Variants in SNX29 observed in about 807,000 individuals in gnomAD.
SNX29 encodes sorting nexin-29.
Under a neutral mutation model 102.1 loss-of-function variants are expected in SNX29, and 78 were observed. The ratio of observed to expected loss-of-function variants is 0.76; its 90% CI spans 0.64 to 0.92. The LOEUF (loss-of-function observed/expected upper bound fraction) is 0.92, where lower values mean the gene tolerates loss of function less well. Among genes scored for constraint, SNX29 ranks in the 40% least tolerant of loss-of-function variants. The pLI is 0.00. For missense variants in SNX29, 1,280 were observed against 1,061.7 expected (o/e 1.21, Z -2.86); for synonymous variants, 580 against 414.5 (o/e 1.40, Z -4.85).
chr16:12,357,405 G>A (rs2082166386), intron 16 of SNX29, among the ~76,000 whole-genome samples: 1 of 152,176 alleles, frequency 6.6e-6, no homozygotes, highest in African/African-American at 2.4e-5. Context: ...ATCACAGTCA[G>A]TGTTCAAATT....
rs780562893 is a variant in SNX29 at position 12,524,824 on chromosome 16, G to A, written c.2301G>A (p.Gln767=). The change falls in exon 20 of 21, where the codon CAG becomes CAA. Residue 767 remains glutamine, a synonymous_variant. Coordinates refer to ENST00000566228, the MANE Select transcript of SNX29 (RefSeq NM_032167.5). ...GCCCCAAGAAGGAGACCCTCATCCA[G>A]CTGATGCCCTTCTTCGTGTAAGTAC... The part of the protein sequence containing the change: ...AASPKKETLI[Q]LMPFFVDITP... The A allele has an allele frequency of 6.8e-6, 11 of 1,613,448 alleles. No individual in the cohort carries two copies. Among genetic ancestry groups the A allele is most frequent in the African/African-American group, 1.3e-5 (1 of 74,874 alleles).
intron 8 of SNX29, among the ~76,000 whole-genome samples, chr16:12,059,432 C>T (rs539502487): frequency 5.6e-4 from 85 of 152,332 alleles, no homozygotes; most frequent in African/African-American, 1.9e-3. Context: ...AGGACAGTCG[C>T]GGGAGCGGCT....
At chr16:12,106,872 G>T (rs760060874) in intron 11 of SNX29, among the ~76,000 whole-genome samples, 19 of 151,994 alleles carry the variant, frequency 1.3e-4, no homozygotes, top group Non-Finnish European at 2.5e-4. Context: ...CTGCAGTGCA[G>T]TGGCACGATT....
At chr16:12,009,411 A>G (rs1285182987) in intron 3 of SNX29, among the ~76,000 whole-genome samples, 1 of 151,692 alleles carries the variant, frequency 6.6e-6, no homozygotes, top group Non-Finnish European at 1.5e-5. Flanking sequence ...TGAGAGATAT[A>G]TATATGTATA....
chr16:12,077,330 C>CT (rs2051626276), intron 10 of SNX29, among the ~76,000 whole-genome samples: 1 of 151,316 alleles, frequency 6.6e-6, no homozygotes, highest in African/African-American at 2.4e-5. Flanking sequence ...GAAAATCAGT[C>CT]TTAACCCTCA....
rs71139575 is a variant in SNX29 at position 12,109,127 on chromosome 16, C to CAAAAA, written c.1403-17482_1403-17478dup. ...TGGGCAATAGAGTGAGGCGCTGTCT[C>CAAAAA]AAAAAAAAAAAAAAAAAAAAAAAAA... On this transcript the variant is annotated intron_variant, in intron 11 of 20. Coordinates refer to ENST00000566228, the MANE Select transcript of SNX29 (RefSeq NM_032167.5). 2.1e-3 allele frequency among the ~76,000 whole-genome samples: 70 copies of CAAAAA among 33,240 alleles called. 4 individuals are homozygous for CAAAAA. Among genetic ancestry groups the CAAAAA allele is most frequent in the African/African-American group, 7.4e-3 (53 of 7,200 alleles). The allele number at this position is 33,240 out of a possible 152,430, so 21.8% of individuals were successfully genotyped here.
intron 16 of SNX29, among the ~76,000 whole-genome samples, chr16:12,390,606 C>T (rs2083496262): frequency 6.6e-6 from 1 of 152,204 alleles, no homozygotes; most frequent in Non-Finnish European, 1.5e-5. Context: ...ATGGAGCAGT[C>T]AGCCCCTCAT....
chr16:12,041,367 C>T (rs999298848), intron 4 of SNX29, among the ~76,000 whole-genome samples: 14 of 152,218 alleles, frequency 9.2e-5, no homozygotes, highest in African/African-American at 3.4e-4. Flanking sequence ...TCGCATCGGC[C>T]TCCCGGAGTG....
chr16:12,337,912 G>A (rs963701355), intron 15 of SNX29, among the ~76,000 whole-genome samples: 4 of 152,148 alleles, frequency 2.6e-5, no homozygotes, highest in African/African-American at 9.7e-5. Context: ...TTCTGCAGCC[G>A]AGGAACGGTC....
chr16:12,391,587 T>C (rs1444474434), intron 16 of SNX29, among the ~76,000 whole-genome samples: 3 of 152,228 alleles, frequency 2.0e-5, no homozygotes, highest in African/African-American at 7.2e-5. Context: ...TGCTGTACTT[T>C]ATCATCTGTT....
Position 12,067,405 on chromosome 16 carries a change from C to T in SNX29, c.1244-1652C>T, listed in dbSNP as rs369687064. Among the ~76,000 whole-genome samples, 15 of 152,182 alleles carry T rather than the reference C, an allele frequency of 9.9e-5. No individual in the cohort carries two copies. The East Asian group carries it at 1.4e-3, about 14-fold the overall frequency. ...GCATGGAGGATGGATGAGGAAGGCA[C>T]CGAGGCGTGCTCTCTCCAGCACCAT... is the stretch of plus-strand genomic sequence containing the variant. On this transcript the variant is annotated intron_variant, in intron 9 of 20. Transcript: ENST00000566228.
chr16:12,135,083 C>A (rs1042591092), intron 13 of SNX29, among the ~76,000 whole-genome samples: 1 of 152,180 alleles, frequency 6.6e-6, no homozygotes, highest in Non-Finnish European at 1.5e-5. Flanking sequence ...CAAGCATAGG[C>A]AGGGAGAGAA....
In SNX29 at chr16:12,572,532, G is replaced by T. The variant is rs8061734; in HGVS notation, c.*3903G>T. On this transcript the variant is annotated 3_prime_UTR_variant, in exon 21 of 21. Coordinates refer to ENST00000566228, the MANE Select transcript of SNX29 (RefSeq NM_032167.5). ...TGCTCCACGTGCTCAAGCCCCCACA[G>T]GGGGCTGCGACACCATCTGGCTCCT... The T allele has an allele frequency of 0.82, 871,846 of 1,063,622 alleles. 358,101 individuals carry two copies. Among genetic ancestry groups the T allele is most frequent in the African/African-American group, 0.9 (55,010 of 61,038 alleles). 65.9% of individuals were successfully genotyped at this position (1,063,622 alleles called of 1,614,324 possible). A position where few individuals can be genotyped will look rare whatever the true frequency, so the allele number is the denominator to read the frequency against.
At position 12,403,517 on chromosome 16, in the gene SNX29, C is replaced by T. The variant is rs2084044637; in HGVS notation, c.2025C>T (p.Phe675=). ...VFLRGKAANA[F]HVYQVYIRIK... is the part of the protein sequence containing the mutation. ...TCCGGGGCAAAGCAGCAAATGCATTCCACGTGTATCAGGTGAGTGCCTGGT... is the reference window on the plus strand; with the variant it reads ...TCCGGGGCAAAGCAGCAAATGCATTTCACGTGTATCAGGTGAGTGCCTGGT... Residue 675 remains phenylalanine, a synonymous_variant, in exon 18 of 21, where the codon TTC becomes TTT. Coordinates refer to ENST00000566228, the MANE Select transcript of SNX29 (RefSeq NM_032167.5). 1 of 1,606,274 alleles carries T rather than the reference C, an allele frequency of 6.2e-7. No individual in the cohort carries two copies. Among genetic ancestry groups the T allele is most frequent in the Non-Finnish European group, 8.5e-7 (1 of 1,176,288 alleles).
chr16:12,175,960 T>G (rs1326873379), intron 13 of SNX29, among the ~76,000 whole-genome samples: 1 of 152,138 alleles, frequency 6.6e-6, no homozygotes, highest in Non-Finnish European at 1.5e-5. Context: ...GAGCTATGAT[T>G]GTGTCATTGC....
intron 4 of SNX29, among the ~76,000 whole-genome samples, chr16:12,039,857 C>G (rs1045826753): frequency 6.6e-5 from 10 of 152,192 alleles, no homozygotes; most frequent in Non-Finnish European, 1.0e-4. Flanking sequence ...GTCCTGGCTT[C>G]AGACCTTGTC....
intron 1 of SNX29, among the ~76,000 whole-genome samples, chr16:11,979,415 T>A (rs919858344): frequency 3.9e-5 from 6 of 152,052 alleles, no homozygotes; most frequent in African/African-American, 1.4e-4. Context: ...AAAAGTGGTC[T>A]GTGAAAATGG....
chr16:12,180,568 A>G (rs1387038026), intron 13 of SNX29, among the ~76,000 whole-genome samples: 3 of 151,106 alleles, frequency 2.0e-5, no homozygotes, highest in Non-Finnish European at 4.4e-5. Context: ...ACTGCAAGCT[A>G]CGCCTCCCGG....
At chr16:12,495,728 G>T (rs969917780) in intron 19 of SNX29, among the ~76,000 whole-genome samples, 1 of 152,304 alleles carries the variant, frequency 6.6e-6, no homozygotes, top group African/African-American at 2.4e-5. Flanking sequence ...GTGTGGCTGG[G>T]AGTCTCCTGT....
Sources: gnomAD v4.1 joint callset for allele counts (sites outside exome capture counted in the v4.1 genomes callset) on GRCh38, gnomAD v4.1.1 for gene constraint, MANE v1.5 for transcripts, NCBI Gene and HGNC (gene_info 2026-07-23, HGNC 2026-07-21) for gene names.